The following EYA4 variants were observed in gnomAD, a reference collection of about 807,000 sequenced individuals.
EYA4 encodes the protein EYA transcriptional coactivator and phosphatase 4, also known as protein phosphatase EYA4.
EYA4 carries 31 observed loss-of-function variants against 87.9 expected under a neutral mutation model. That is an observed-to-expected ratio of 0.35 (90% CI 0.27 to 0.48). The LOEUF is 0.48. EYA4 is among the 20% of genes least tolerant of loss of function. EYA4 has a pLI of 0.99. For missense variants in EYA4, 678 were observed against 761.4 expected, an observed-to-expected ratio of 0.89 and a Z score of 1.29; for synonymous variants, 263 against 270.6, an observed-to-expected ratio of 0.97 and a Z score of 0.28.
At chr6:133,515,203 T>C in intron 16 of EYA4, 118 bp from the exon 17 acceptor site, 1 of 727,266 alleles carries the variant, frequency 1.4e-6, no homozygotes, top group Non-Finnish European at 2.5e-6. Context: ...TGTATCTCTC[T>C]GCATTTCTGA....
At chr6:133,345,672 T>C (rs1303567228) in intron 2 of EYA4, among the ~76,000 whole-genome samples, 2 of 152,178 alleles carry the variant, frequency 1.3e-5, no homozygotes, top group African/African-American at 2.4e-5. Context: ...ATCTTAAAAA[T>C]TAAAATTGAG....
At chr6:133,321,026 C>T (rs560516315) in intron 2 of EYA4, among the ~76,000 whole-genome samples, 67 of 152,166 alleles carry the variant, frequency 4.4e-4, no homozygotes, top group Admixed American at 1.6e-3. Context: ...GTTTTCTTCT[C>T]GGCACTTCAA....
chr6:133,359,910 A>G (rs1784332601), intron 2 of EYA4, among the ~76,000 whole-genome samples: 1 of 152,092 alleles, frequency 6.6e-6, no homozygotes, highest in South Asian at 2.1e-4. Context: ...CCCCTTCTTT[A>G]CCCAAGCTGA....
At chr6:133,413,619 C>T (rs1441504831) in intron 3 of EYA4, among the ~76,000 whole-genome samples, 1 of 152,056 alleles carries the variant, frequency 6.6e-6, no homozygotes, top group African/African-American at 2.4e-5. Context: ...ATCCCTTAAG[C>T]AATGTTGCTT....
intron 14 of EYA4, among the ~76,000 whole-genome samples, chr6:133,508,778 G>T (rs528326845): frequency 6.4e-4 from 97 of 152,268 alleles, no homozygotes; most frequent in African/African-American, 1.9e-3. Context: ...GGCACTTAAA[G>T]ACATTTATTT....
chr6:133,495,506 G>A (rs1052862056), intron 13 of EYA4, among the ~76,000 whole-genome samples: 2 of 128,166 alleles, frequency 1.6e-5, no homozygotes, highest in African/African-American at 6.3e-5. Flanking sequence ...GGTAGGCAAG[G>A]GCTGGACCAG....
intron 14 of EYA4, among the ~76,000 whole-genome samples, chr6:133,507,624 TGTTTGGTTTTCTGTTCTTATGTTA>T (rs1177490086): frequency 1.3e-5 from 2 of 152,134 alleles, no homozygotes; most frequent in Admixed American, 1.3e-4. Flanking sequence ...GAACATGCAT[TGTTTGGTTTTCTGTTCTTATGTTA>T]GTTTGCTGAG....
intron 2 of EYA4, among the ~76,000 whole-genome samples, chr6:133,328,698 GAT>G (rs1781690229): frequency 7.4e-6 from 1 of 135,626 alleles, no homozygotes; most frequent in African/African-American, 2.6e-5. Context: ...TAGACAAATA[GAT>G]ACAAACAAAC....
chr6:133,485,176 C>T (rs1007505041), intron 13 of EYA4, among the ~76,000 whole-genome samples: 7 of 152,112 alleles, frequency 4.6e-5, no homozygotes, highest in Admixed American at 3.3e-4. Flanking sequence ...CCCAGGATGT[C>T]GACAGGACAT....
At chr6:133,376,704 G>T (rs1416899767) in intron 2 of EYA4, among the ~76,000 whole-genome samples, 1 of 151,852 alleles carries the variant, frequency 6.6e-6, no homozygotes, top group South Asian at 2.1e-4. Flanking sequence ...AAAAAATTAA[G>T]ATTGATTTTT....
intron 19 of EYA4, among the ~76,000 whole-genome samples, chr6:133,527,258 G>A (rs1194984298): frequency 1.3e-5 from 2 of 152,162 alleles, no homozygotes; most frequent in Non-Finnish European, 2.9e-5. Context: ...GTACTGTTTT[G>A]TTGTTACAAA....
intron 3 of EYA4, among the ~76,000 whole-genome samples, chr6:133,395,313 A>G (rs1787690046): frequency 6.6e-6 from 1 of 151,998 alleles, no homozygotes; most frequent in South Asian, 2.1e-4. Context: ...AATATTTATA[A>G]TAGGAATTGG....
chr6:133,347,996 G>T (rs1394716823), intron 2 of EYA4, among the ~76,000 whole-genome samples: 1 of 152,188 alleles, frequency 6.6e-6, no homozygotes, highest in Non-Finnish European at 1.5e-5. Flanking sequence ...ATAGGTCAAA[G>T]AGTAGGTCAG....
Position 133,522,973 on chromosome 6 carries a change from T to C in EYA4, c.1617-83T>C, listed in dbSNP as rs1413356944. The C allele has an allele frequency of 4.1e-6, 5 of 1,232,436 alleles. No individual in the cohort carries two copies. In the African/African-American group the frequency reaches 4.5e-5, roughly 11 times the overall value. 76.3% of individuals were successfully genotyped at this position (1,232,436 alleles called of 1,614,324 possible). Reference sequence around the variant, plus strand: ...GAAAGGGACCATTAATTAAGGAATTTAGAGACCACAGTGACAATTTTAAAT... The same window carrying C: ...GAAAGGGACCATTAATTAAGGAATTCAGAGACCACAGTGACAATTTTAAAT... On this transcript the variant is annotated intron_variant, in intron 17 of 19. Transcript: ENST00000355286.
intron 17 of EYA4, among the ~76,000 whole-genome samples, chr6:133,518,080 C>T (rs115029068): frequency 0.012 from 1,760 of 152,120 alleles, 30 homozygotes; most frequent in African/African-American, 0.04. Context: ...ATGTCAGGGA[C>T]GCTGGAGCAC....
chr6:133,436,492 A>G lies in EYA4; in HGVS notation c.84-10138A>G, dbSNP rs191182539. On this transcript the variant is annotated intron_variant, in intron 3 of 19. Transcript: ENST00000355286. The stretch of plus-strand genomic sequence containing the variant: ...CCCACTAAATATACTCCACTATTCT[A>G]GGAATAGGGAAAAAAATTCATGAAC... 3.3e-3 allele frequency among the ~76,000 whole-genome samples: 497 copies of G among 152,304 alleles called. 2 individuals carry two copies. Among genetic ancestry groups the G allele is most frequent in the Non-Finnish European group, 5.1e-3 (350 of 68,024 alleles).
intron 14 of EYA4, 42 bp downstream of exon 14, chr6:133,506,237 G>T (rs772728502): frequency 1.9e-6 from 2 of 1,055,542 alleles, no homozygotes; most frequent in Non-Finnish European, 3.0e-6. Flanking sequence ...TCCAACACCA[G>T]ACCTCCTAGA....
At chr6:133,258,078 G>A (rs1775486080) in intron 1 of EYA4, among the ~76,000 whole-genome samples, 1 of 152,140 alleles carries the variant, frequency 6.6e-6, no homozygotes, top group Admixed American at 6.6e-5. Flanking sequence ...AAGCTGGATT[G>A]TCCAAGTGTG....
intron 1 of EYA4, among the ~76,000 whole-genome samples, chr6:133,250,872 T>G (rs561667475): frequency 6.6e-6 from 1 of 152,288 alleles, no homozygotes; most frequent in South Asian, 2.1e-4. Context: ...TCAGTTGTTA[T>G]TACTATGATT....
Sources: allele counts gnomAD v4.1 joint callset (sites outside exome capture counted in the v4.1 genomes callset), GRCh38; gene constraint gnomAD v4.1.1; transcripts MANE v1.5; gene names NCBI Gene and HGNC (gene_info 2026-07-23, HGNC 2026-07-21).